Variants in ZNRF1 observed in about 807,000 individuals in gnomAD.
The protein encoded by ZNRF1 is E3 ubiquitin-protein ligase ZNRF1.
In ZNRF1, 3 loss-of-function variants were observed where a neutral mutation model predicts 18.4. That is an observed-to-expected ratio of 0.16 (90% confidence interval 0.07 to 0.42). The LOEUF is 0.42. ZNRF1 is among the 10% of genes least tolerant of loss of function. The pLI is 0.99. For missense variants in ZNRF1, 310 were observed against 329.8 expected (o/e 0.94, Z 0.47); for synonymous variants, 157 against 144.2 (o/e 1.09, Z -0.64).
intron 1 of ZNRF1, among the ~76,000 whole-genome samples, chr16:75,006,337 G>C (rs1005055928): frequency 5.9e-5 from 9 of 152,186 alleles, no homozygotes; most frequent in Non-Finnish European, 1.0e-4. Flanking sequence ...CTCATCCTTA[G>C]GTAGGGGTGT....
chr16:75,072,800 A>G (rs1198123749), intron 1 of ZNRF1, among the ~76,000 whole-genome samples: 3 of 152,200 alleles, frequency 2.0e-5, no homozygotes, highest in Non-Finnish European at 2.9e-5. Context: ...GGCTCACCCA[A>G]TTGGAAGCAG....
chr16:75,028,140 C>G lies in ZNRF1; in HGVS notation c.424+28045C>G, dbSNP rs188063371. Among the ~76,000 whole-genome samples, 266 of 152,304 alleles carry G rather than the reference C, an allele frequency of 1.7e-3. 1 individual carries two copies. Among genetic ancestry groups the G allele is most frequent in the Middle Eastern group, 0.01 (3 of 294 alleles). ...CCATCCAGAGTGCTGCTCCAACCTT[C>G]CTCTGCTCTCTGCTAAATATTACCG... On this transcript the variant is annotated intron_variant, in intron 1 of 4. Coordinates refer to ENST00000335325, the MANE Select transcript of ZNRF1 (RefSeq NM_032268.5).
intron 1 of ZNRF1, among the ~76,000 whole-genome samples, chr16:75,052,132 C>T (rs2035614605): frequency 6.6e-6 from 1 of 152,200 alleles, no homozygotes; most frequent in Non-Finnish European, 1.5e-5. Context: ...GGCGTGGTGG[C>T]TCACGCCTGT....
rs543526017 is a variant in ZNRF1, at chr16:75,015,536, T to A, written c.424+15441T>A. On this transcript the variant is annotated intron_variant, in intron 1 of 4. Coordinates refer to ENST00000335325, the MANE Select transcript of ZNRF1 (RefSeq NM_032268.5). ...GTCGTGGTGAGCCGAGATTGCACCA[T>A]TGCACTCCAGCCTGGGCAACAAGAG... Among the ~76,000 whole-genome samples, 6 of 152,178 alleles carry A rather than the reference T, an allele frequency of 3.9e-5. No individual in the cohort carries two copies. The South Asian group carries it at 1.2e-3, about 32-fold the overall frequency.
At chr16:75,099,803 C>T (rs547342802) in intron 2 of ZNRF1, among the ~76,000 whole-genome samples, 13 of 152,296 alleles carry the variant, frequency 8.5e-5, no homozygotes, top group African/African-American at 3.1e-4. Context: ...TGACGGCAGG[C>T]AGCAGGTTCG....
intron 1 of ZNRF1, among the ~76,000 whole-genome samples, chr16:75,004,703 T>TC (rs1245767803): frequency 6.6e-6 from 1 of 152,200 alleles, no homozygotes; most frequent in Non-Finnish European, 1.5e-5. Context: ...AGCCTCAAAC[T>TC]CTTGGGCTCA....
intron 1 of ZNRF1, among the ~76,000 whole-genome samples, chr16:75,024,461 T>C (rs1342618581): frequency 1.3e-5 from 2 of 152,178 alleles, no homozygotes; most frequent in Non-Finnish European, 2.9e-5. Context: ...ACAGTAATCA[T>C]AGGAATAAAG....
intron 1 of ZNRF1, among the ~76,000 whole-genome samples, chr16:75,015,921 CTTTT>C (rs368763105): frequency 2.9e-5 from 4 of 137,412 alleles, no homozygotes; most frequent in Admixed American, 7.4e-5. Context: ...CTTTTCTTTT[CTTTT>C]TTTTTTTTTT....
At position 75,101,396 on chromosome 16, in the gene ZNRF1, A is replaced by C. The variant is rs1240263057; in HGVS notation, c.521-3388A>C. 3.9e-5 allele frequency among the ~76,000 whole-genome samples: 6 copies of C among 152,286 alleles called. No homozygotes were observed. In the East Asian group the frequency reaches 9.7e-4, roughly 25 times the overall value. On this transcript the variant is annotated intron_variant, in intron 2 of 4. Transcript: ENST00000335325. The stretch of plus-strand genomic sequence containing the variant: ...TGATGAGACCCCGTCTCTACTAAAA[A>C]CACAAAAATTAGCCGGGTGTGGTGG...
At position 75,076,310 on chromosome 16, in the gene ZNRF1, G is replaced by C. The variant is rs562449868; in HGVS notation, c.425-17262G>C. ...CTCTATGAATCTCCCTTAGAATGTG[G>C]CATCTTATTTCAGGAGGCTGATGGA... On this transcript the variant is annotated intron_variant, in intron 1 of 4. Transcript: ENST00000335325. 5.3e-5 allele frequency among the ~76,000 whole-genome samples: 8 copies of C among 152,194 alleles called. No individual in the cohort carries two copies. The South Asian group carries it at 1.7e-3, about 32-fold the overall frequency.
rs551650141 is a variant in ZNRF1 at position 75,017,422 on chromosome 16, G to T, written c.424+17327G>T. Among the ~76,000 whole-genome samples the T allele has an allele frequency of 1.8e-4, 27 of 152,242 alleles. No homozygotes were observed. In the South Asian group the frequency reaches 5.2e-3, roughly 29 times the overall value. On this transcript the variant is annotated intron_variant, in intron 1 of 4. Transcript: ENST00000335325. ...ATAATTTCAGACTTACAGAAAAGTT[G>T]CAGAACTTATACAAATAAATATTAC...
chr16:75,069,996 C>G (rs1199829936), intron 1 of ZNRF1, among the ~76,000 whole-genome samples: 2 of 152,222 alleles, frequency 1.3e-5, no homozygotes, highest in East Asian at 3.8e-4. Context: ...CCCTAAATCT[C>G]TGACTTCTAA....
chr16:75,078,519 G>A (rs1234977697), intron 1 of ZNRF1, among the ~76,000 whole-genome samples: 4 of 151,932 alleles, frequency 2.6e-5, no homozygotes, highest in Admixed American at 6.6e-5. Context: ...GGCTGGTCTC[G>A]AACTCCCAAC....
chr16:75,033,521 C>T (rs951450331), intron 1 of ZNRF1, among the ~76,000 whole-genome samples: 2 of 149,466 alleles, frequency 1.3e-5, no homozygotes, highest in African/African-American at 4.9e-5. Flanking sequence ...CTCACTGCAA[C>T]CTCTGCCTCC....
chr16:75,103,883 G>T (rs558392225), intron 2 of ZNRF1, among the ~76,000 whole-genome samples: 22 of 152,246 alleles, frequency 1.4e-4, no homozygotes, highest in African/African-American at 5.3e-4. Flanking sequence ...TACTCGGGAG[G>T]CTGAGACAGG....
intron 1 of ZNRF1, among the ~76,000 whole-genome samples, chr16:75,021,367 G>A (rs2035145560): frequency 6.6e-6 from 1 of 152,180 alleles, no homozygotes; most frequent in Non-Finnish European, 1.5e-5. Context: ...CCTGGAATTA[G>A]TTGTTGCTAT....
intron 1 of ZNRF1, among the ~76,000 whole-genome samples, chr16:75,076,194 T>C (rs189318345): frequency 6.6e-6 from 1 of 152,230 alleles, no homozygotes; most frequent in Admixed American, 6.5e-5. Context: ...ATATCTATTA[T>C]ATGTTTTAAT....
chr16:75,015,653 C>T (rs990993309), intron 1 of ZNRF1, among the ~76,000 whole-genome samples: 2 of 152,090 alleles, frequency 1.3e-5, no homozygotes, highest in African/African-American at 2.4e-5. Flanking sequence ...GCGCCATCAC[C>T]GCTTACTGCA....
At chr16:75,032,115 T>G (rs1006184412) in intron 1 of ZNRF1, among the ~76,000 whole-genome samples, 6 of 147,758 alleles carry the variant, frequency 4.1e-5, no homozygotes, top group African/African-American at 1.3e-4. Context: ...TTTTTTTTTT[T>G]TTTTTTTTTT....
Sources: gnomAD v4.1 joint callset for allele counts (sites outside exome capture counted in the v4.1 genomes callset) on GRCh38, gnomAD v4.1.1 for gene constraint, MANE v1.5 for transcripts, NCBI Gene and HGNC (gene_info 2026-07-23, HGNC 2026-07-21) for gene names.